SGPP2: variants seen among roughly 807,000 people sequenced by gnomAD.
The protein encoded by SGPP2 is sphingosine 1-phosphate phosphohydrolase 2.
Under a neutral mutation model 33.9 loss-of-function variants are expected in SGPP2, and 30 were observed. That is an observed-to-expected ratio of 0.89 (90% CI 0.66 to 1.20). SGPP2 has a LOEUF of 1.20. SGPP2 is among the 50% of genes most tolerant of loss of function. The pLI is 0.00. For missense variants in SGPP2, 458 were observed against 532.1 expected, an observed-to-expected ratio of 0.86 and a Z score of 1.37; for synonymous variants, 233 against 225.0, an observed-to-expected ratio of 1.04 and a Z score of -0.32.
rs554044432 is a variant in SGPP2 at position 222,510,116 on chromosome 2, C to T, written c.379-11651C>T. On this transcript the variant is annotated intron_variant, in intron 2 of 4. Transcript: ENST00000321276. ...ACAGTTTGTTTATCTGCCTATCAGT[C>T]GATGGACATTTGGGTTGTTTAAACT... 2.8e-4 allele frequency among the ~76,000 whole-genome samples: 42 copies of T among 152,274 alleles called. No individual in the cohort carries two copies. In the South Asian group the frequency reaches 3.5e-3, roughly 13 times the overall value.
At chr2:222,466,764 A>C (rs564556060) in intron 1 of SGPP2, among the ~76,000 whole-genome samples, 1 of 152,024 alleles carries the variant, frequency 6.6e-6, no homozygotes, top group South Asian at 2.1e-4. Context: ...CAAATTTGTC[A>C]TTCCAGTATT....
At chr2:222,548,546 G>A (rs1276286431) in intron 4 of SGPP2, among the ~76,000 whole-genome samples, 2 of 151,944 alleles carry the variant, frequency 1.3e-5, no homozygotes, top group African/African-American at 4.9e-5. Flanking sequence ...TCAGAGGACG[G>A]TCATGACATG....
At chr2:222,519,405 C>A (rs1288352907) in intron 2 of SGPP2, among the ~76,000 whole-genome samples, 1 of 152,222 alleles carries the variant, frequency 6.6e-6, no homozygotes, top group African/African-American at 2.4e-5. Context: ...ATATGTTGCT[C>A]TTGCATATTA....
intron 2 of SGPP2, among the ~76,000 whole-genome samples, chr2:222,511,198 G>T (rs1251821457): frequency 1.3e-5 from 2 of 152,178 alleles, no homozygotes; most frequent in African/African-American, 4.8e-5. Context: ...GCCCATGCTG[G>T]AAGCTTTTCC....
intron 2 of SGPP2, among the ~76,000 whole-genome samples, chr2:222,493,636 T>A (rs961050020): frequency 6.6e-6 from 1 of 152,240 alleles, no homozygotes; most frequent in Non-Finnish European, 1.5e-5. Context: ...GCACTCAGCC[T>A]AAATGTATTC....
chr2:222,469,534 T>A (rs1697807073), intron 1 of SGPP2, among the ~76,000 whole-genome samples: 1 of 152,222 alleles, frequency 6.6e-6, no homozygotes. Context: ...CATCAAAGCC[T>A]AGGCCATCAG....
At chr2:222,498,242 T>A (rs1228695057) in intron 2 of SGPP2, 4 of 152,200 alleles carry the variant, frequency 2.6e-5, no homozygotes, top group Admixed American at 2.6e-4. Context: ...AGAGGTTGGA[T>A]GAGGTGCCCT....
chr2:222,450,353 A>T (rs1021751654), intron 1 of SGPP2, among the ~76,000 whole-genome samples: 1 of 152,246 alleles, frequency 6.6e-6, no homozygotes, highest in Admixed American at 6.5e-5. Flanking sequence ...TCCTTTTAGC[A>T]GCAGCATAGC....
Position 222,424,614 on chromosome 2 carries a change from G to A in SGPP2, c.12G>A (p.Leu4=), listed in dbSNP as rs1697029794. The A allele has an allele frequency of 1.4e-6, 2 of 1,379,788 alleles. No homozygotes were observed. Among genetic ancestry groups the A allele is most frequent in the Non-Finnish European group, 1.9e-6 (2 of 1,061,622 alleles). The allele number at this position is 1,379,788 out of a possible 1,614,324, so 85.5% of individuals were successfully genotyped here. A position where few individuals can be genotyped will look rare whatever the true frequency, so the allele number is the denominator to read the frequency against. The change falls in exon 1 of 5, where the codon CTG becomes CTA. Residue 4 remains leucine (L), a synonymous_variant. Coordinates refer to ENST00000321276, the MANE Select transcript of SGPP2 (RefSeq NM_152386.4). ...GCCCCGGGCACACCATGGCCGAGCT[G>A]CTGCGGAGCCTGCAGGATTCCCAGC... MAE[L]LRSLQDSQLV... is the part of the protein sequence containing the mutation.
intron 1 of SGPP2, among the ~76,000 whole-genome samples, chr2:222,449,531 G>A (rs1162539184): frequency 6.7e-6 from 1 of 149,366 alleles, no homozygotes; most frequent in Non-Finnish European, 1.5e-5. Flanking sequence ...GTGCAGTGGT[G>A]CGATCTCAAC....
Position 222,457,504 on chromosome 2 carries a change from A to T in SGPP2, c.220-17064A>T, listed in dbSNP as rs1697590742. ...GCTTTTAAGGTAAACACAAATGTAG[A>T]CTGAGATTCCATAGGTCAATATATT... On this transcript the variant is annotated intron_variant, in intron 1 of 4. Transcript: ENST00000321276. Among the ~76,000 whole-genome samples the T allele has an allele frequency of 2.0e-5, 3 of 152,226 alleles. No homozygotes were observed. The South Asian group carries it at 6.2e-4, about 32-fold the overall frequency.
Position 222,561,326 on chromosome 2 carries a change from C to T in SGPP2, c.*2428C>T, listed in dbSNP as rs976552339. Among the ~76,000 whole-genome samples the T allele has an allele frequency of 1.2e-4, 18 of 152,052 alleles. No individual in the cohort carries two copies. The highest frequency in any genetic ancestry group is 1.7e-4 in the African/African-American group (7 of 41,500). On this transcript the variant is annotated 3_prime_UTR_variant, in exon 5 of 5. Coordinates refer to ENST00000321276, the MANE Select transcript of SGPP2 (RefSeq NM_152386.4). ...CAGAGCAGTGGCTGTCAGCCGGATG[C>T]GGCACTTTTCTGTATTTTCATCCAC... is the stretch of plus-strand genomic sequence containing the variant.
At chr2:222,429,125 C>G (rs1697115245) in intron 1 of SGPP2, among the ~76,000 whole-genome samples, 1 of 152,058 alleles carries the variant, frequency 6.6e-6, no homozygotes, top group African/African-American at 2.4e-5. Context: ...CGGCCAAGAA[C>G]CATGGTTTTC....
chr2:222,436,611 G>A (rs900292796), intron 1 of SGPP2, among the ~76,000 whole-genome samples: 6 of 152,190 alleles, frequency 3.9e-5, no homozygotes, highest in Non-Finnish European at 7.3e-5. Flanking sequence ...TTCTTTAGCC[G>A]TAAAGTGAAT....
chr2:222,550,384 T>C lies in SGPP2; in HGVS notation c.649-7963T>C, dbSNP rs1387765256. Among the ~76,000 whole-genome samples the C allele has an allele frequency of 6.6e-6, 1 of 152,094 alleles. No individual in the cohort carries two copies. Among genetic ancestry groups the C allele is most frequent in the African/African-American group, 2.4e-5 (1 of 41,384 alleles). On this transcript the variant is annotated intron_variant, in intron 4 of 4. Transcript: ENST00000321276. The surrounding 1 kb of genome is among the most constrained non-coding windows in gnomAD (Gnocchi z 4.5). ...ATTTTATTATAATAAAAATAACAGG[T>C]ATTGACTAGAAAATTTGGAAGATCC...
intron 1 of SGPP2, among the ~76,000 whole-genome samples, chr2:222,441,720 T>C (rs1252312097): frequency 6.6e-6 from 1 of 152,188 alleles, no homozygotes; most frequent in Admixed American, 6.5e-5. Flanking sequence ...AATTAAATTA[T>C]TTTAATTTTA....
chr2:222,546,821 G>A (rs569495977), intron 4 of SGPP2, among the ~76,000 whole-genome samples: 14 of 116,992 alleles, frequency 1.2e-4, no homozygotes, highest in African/African-American at 5.2e-4. Context: ...TTTTACACAT[G>A]TTGCAAAAAA....
chr2:222,482,512 T>G (rs1371819249), intron 2 of SGPP2, among the ~76,000 whole-genome samples: 1 of 152,154 alleles, frequency 6.6e-6, no homozygotes, highest in Admixed American at 6.5e-5. Context: ...TCCTACCACC[T>G]CAGCCTCCCA....
intron 1 of SGPP2, among the ~76,000 whole-genome samples, chr2:222,467,840 A>C (rs1697769325): frequency 6.6e-6 from 1 of 151,418 alleles, no homozygotes; most frequent in Admixed American, 6.6e-5. Flanking sequence ...TGGATGGCTT[A>C]GAGTTGCAGA....
Sources: gnomAD v4.1 joint callset for allele counts (sites outside exome capture counted in the v4.1 genomes callset) on GRCh38, gnomAD v4.1.1 for gene constraint, Gnocchi (gnomAD v3.1) non-coding constraint, MANE v1.5 for transcripts, NCBI Gene and HGNC (gene_info 2026-07-23, HGNC 2026-07-21) for gene names.